STX1A: variants seen among roughly 807,000 people sequenced by gnomAD.
The protein encoded by STX1A is syntaxin 1A.
In STX1A, 4 loss-of-function variants were observed where a neutral mutation model predicts 37.8. The observed-to-expected ratio is 0.11, with a 90% confidence interval of 0.05 to 0.24. STX1A has a LOEUF of 0.24. Ranked by LOEUF, STX1A falls within the 10% of genes least tolerant of loss-of-function variation. STX1A has a pLI of 1.00. For missense variants in STX1A, 251 were observed against 399.9 expected, an observed-to-expected ratio of 0.63 and a Z score of 3.18; for synonymous variants, 135 against 147.4, an observed-to-expected ratio of 0.92 and a Z score of 0.61.
At position 73,717,118 on chromosome 7, in the gene STX1A, C is replaced by T. The variant is rs1799313788; in HGVS notation, c.30+2484G>A. On this transcript the variant is annotated intron_variant, in intron 1 of 9. Coordinates refer to ENST00000222812, the MANE Select transcript of STX1A (RefSeq NM_004603.4). This position sits in a 1 kb window ranked among gnomAD's most constrained non-coding sequence, Gnocchi z 4.1. ...AGTGAGGAAACGCGCCAGCTCCTTCCCCAAGTGTGACTTTTATAAATAAGC... is the reference window on the plus strand; with the variant it reads ...AGTGAGGAAACGCGCCAGCTCCTTCTCCAAGTGTGACTTTTATAAATAAGC... Among the ~76,000 whole-genome samples, 1 of 151,984 alleles carries T rather than the reference C, an allele frequency of 6.6e-6. No homozygotes were observed. The highest frequency in any genetic ancestry group is 2.4e-5 in the African/African-American group (1 of 41,346).
At position 73,700,728 on chromosome 7, in the gene STX1A, AC is replaced by A; in HGVS notation, c.789+1del. On this transcript the variant is annotated splice_donor_variant, in intron 9 of 9. Transcript: ENST00000222812. LOFTEE classifies it high-confidence loss of function. The surrounding 1 kb of genome is among the most constrained non-coding windows in gnomAD (Gnocchi z 4.4). ...GGCCTTGGGCAGGGCTGGGCTACTG[AC>A]CCGGCGCGCCTTGCTCTGGTACTTG... 6.2e-7 allele frequency: 1 copy of A among 1,613,166 alleles called. No homozygotes were observed. The highest frequency in any genetic ancestry group is 8.5e-7 in the Non-Finnish European group (1 of 1,179,806).
intron 1 of STX1A, among the ~76,000 whole-genome samples, chr7:73,715,436 A>C (rs558270197): frequency 2.0e-5 from 3 of 152,122 alleles, no homozygotes; most frequent in African/African-American, 7.2e-5. Context: ...ACAAAAAAAA[A>C]ACCAACAAAA....
chr7:73,703,335 A>G, intron 7 of STX1A: 1 of 560,046 alleles, frequency 1.8e-6, no homozygotes, highest in Admixed American at 2.3e-5. Flanking sequence ...CCCTTCCCCC[A>G]CATTGAATGT....
At chr7:73,708,805 C>T in intron 2 of STX1A, 117 bp from the exon 3 acceptor site, 2 of 1,164,380 alleles carry the variant, frequency 1.7e-6, no homozygotes, top group Non-Finnish European at 2.5e-6. Context: ...GGGCCAGGCT[C>T]CGGGTGCTGG....
At position 73,708,513 on chromosome 7, in the gene STX1A, C is replaced by T. The variant is rs896414213; in HGVS notation, c.208+76G>A. 28 of 1,430,982 alleles carry T rather than the reference C, an allele frequency of 2.0e-5. No individual in the cohort carries two copies. In the East Asian group the frequency reaches 2.0e-4, roughly 10 times the overall value. The allele number at this position is 1,430,982 out of a possible 1,614,324, so 88.6% of individuals were successfully genotyped here. A position where few individuals can be genotyped will look rare whatever the true frequency, so the allele number is the denominator to read the frequency against. Reference sequence around the variant, plus strand: ...CCAGCCATGAAGGCTGCAGAGGTCCCGTGAGGCCTCCCTGGCAGCAGCCCC... The same window carrying T: ...CCAGCCATGAAGGCTGCAGAGGTCCTGTGAGGCCTCCCTGGCAGCAGCCCC... On this transcript the variant is annotated intron_variant, in intron 3 of 9. Transcript: ENST00000222812.
In STX1A at chr7:73,708,638, C is replaced by G; in HGVS notation, c.159G>C (p.Glu53Asp). Residue 53 changes from glutamate (E) to aspartate (D), a missense_variant, in exon 3 of 10, where the codon GAG becomes GAC. Physicochemically the swap from Glu to Asp is conservative, Grantham distance 45. Coordinates refer to ENST00000222812, the MANE Select transcript of STX1A (RefSeq NM_004603.4). ...GGATGGCACTGTGCTTCCGCTTCAC[C>G]TCCTCCACGTTCTCTGCGATCTTGT... is the stretch of plus-strand genomic sequence containing the variant. ...FIDKIAENVE[E>D]VKRKHSAILA... The G allele has an allele frequency of 6.2e-7, 1 of 1,614,210 alleles. No individual in the cohort carries two copies. Among genetic ancestry groups the G allele is most frequent in the African/African-American group, 1.3e-5 (1 of 75,074 alleles).
intron 5 of STX1A, 46 bp from the exon 6 acceptor site, chr7:73,704,302 C>T: frequency 4.3e-6 from 7 of 1,613,594 alleles, no homozygotes; most frequent in Non-Finnish European, 5.9e-6. Context: ...CTGCGGGGAC[C>T]GACCCAGAGA....
rs1554615643 is a variant in STX1A, at chr7:73,700,372, GC to G, written c.*34del. 2 of 1,607,670 alleles carry G rather than the reference GC, an allele frequency of 1.2e-6. No individual in the cohort carries two copies. The highest frequency in any genetic ancestry group is 2.7e-5 in the African/African-American group (2 of 74,752). On this transcript the variant is annotated 3_prime_UTR_variant, in exon 10 of 10. Coordinates refer to ENST00000222812, the MANE Select transcript of STX1A (RefSeq NM_004603.4). This position sits in a 1 kb window ranked among gnomAD's most constrained non-coding sequence, Gnocchi z 4.4. ...CAGCAGCCAGGGCCTCCTTGGAGTG[GC>G]CCACCTGGAGTGGAGTGGCAGTTTG...
intron 1 of STX1A, among the ~76,000 whole-genome samples, chr7:73,718,663 C>A (rs1554619093): frequency 6.6e-6 from 1 of 151,848 alleles, no homozygotes; most frequent in East Asian, 1.9e-4. Context: ...CGTCGCTGTC[C>A]TCCACTCCCG....
Position 73,709,173 on chromosome 7 carries a change from T to C in STX1A, c.31-51A>G, listed in dbSNP as rs1177064109. 6 of 1,579,686 alleles carry C rather than the reference T, an allele frequency of 3.8e-6. No individual in the cohort carries two copies. In the African/African-American group the frequency reaches 6.7e-5, roughly 18 times the overall value. On this transcript the variant is annotated intron_variant, in intron 1 of 9. Transcript: ENST00000222812. The surrounding 1 kb of genome is among the most constrained non-coding windows in gnomAD (Gnocchi z 4.2). ...TGGACGTATGTACAGGACCCACCTG[T>C]ACACACGCAGGTGCCCAGGGTACAG... is the stretch of plus-strand genomic sequence containing the variant.
At chr7:73,712,210 G>A (rs541659599) in intron 1 of STX1A, among the ~76,000 whole-genome samples, 1 of 152,220 alleles carries the variant, frequency 6.6e-6, no homozygotes, top group African/African-American at 2.4e-5. Flanking sequence ...ACCTAGAGGG[G>A]ATGGGCGAAG....
Position 73,702,820 on chromosome 7 carries a change from G to C in STX1A, c.678+25C>G, listed in dbSNP as rs1490939022. ...CTGGGTGCTGGTGTGGGCTGGAGTG[G>C]AGGGCAGGGGGGCCCGGCACTCACC... On this transcript the variant is annotated intron_variant, in intron 8 of 9. Transcript: ENST00000222812. This position sits in a 1 kb window ranked among gnomAD's most constrained non-coding sequence, Gnocchi z 4.7. 3.1e-6 allele frequency: 5 copies of C among 1,613,712 alleles called. No homozygotes were observed. The African/African-American group carries it at 6.7e-5, about 22-fold the overall frequency.
At chr7:73,708,993 GC>G in intron 2 of STX1A, 51 bp downstream of exon 2, 4 of 1,594,634 alleles carry the variant, frequency 2.5e-6, no homozygotes, top group Non-Finnish European at 3.4e-6. Context: ...GGCGAGAGTG[GC>G]CCCCCAAGTT....
chr7:73,718,342 C>A (rs1157429662), intron 1 of STX1A, among the ~76,000 whole-genome samples: 1 of 152,120 alleles, frequency 6.6e-6, no homozygotes. Flanking sequence ...GCCCAGGTCC[C>A]GGCTCCAGGA....
intron 1 of STX1A, among the ~76,000 whole-genome samples, chr7:73,712,226 C>T (rs1799129097): frequency 6.6e-6 from 1 of 152,116 alleles, no homozygotes; most frequent in African/African-American, 2.4e-5. Context: ...CGAAGTGGGC[C>T]TTTCCTCCCC....
At chr7:73,715,855 G>A (rs1358857471) in intron 1 of STX1A, among the ~76,000 whole-genome samples, 8 of 152,222 alleles carry the variant, frequency 5.3e-5, no homozygotes, top group African/African-American at 1.9e-4. Context: ...GTGTGCGAGA[G>A]GCCAAGCTGG....
In STX1A at chr7:73,705,104, C is replaced by T; in HGVS notation, c.283+46G>A. ...AACCCCATGGGCTCCGCAGAGGAAG[C>T]AGGCCTAGAATGCCCCCCACCCACC... On this transcript the variant is annotated intron_variant, in intron 4 of 9. Coordinates refer to ENST00000222812, the MANE Select transcript of STX1A (RefSeq NM_004603.4). The surrounding 1 kb of genome is among the most constrained non-coding windows in gnomAD (Gnocchi z 5.2). 1 of 1,579,668 alleles carries T rather than the reference C, an allele frequency of 6.3e-7. No homozygotes were observed. The highest frequency in any genetic ancestry group is 1.1e-5 in the South Asian group (1 of 90,420).
chr7:73,709,216 T>C lies in STX1A; in HGVS notation c.31-94A>G. On this transcript the variant is annotated intron_variant, in intron 1 of 9. Coordinates refer to ENST00000222812, the MANE Select transcript of STX1A (RefSeq NM_004603.4). This position sits in a 1 kb window ranked among gnomAD's most constrained non-coding sequence, Gnocchi z 4.2. The stretch of plus-strand genomic sequence containing the variant: ...GGGTACAGCGCCAGGGCCCTGCCCC[T>C]CCCCCTCTCCCTGGGGGCCTCTGGG... 5.7e-6 allele frequency: 7 copies of C among 1,231,502 alleles called. No homozygotes were observed. Among genetic ancestry groups the C allele is most frequent in the Non-Finnish European group, 8.2e-6 (7 of 858,426 alleles). The allele number at this position is 1,231,502 out of a possible 1,614,324, so 76.3% of individuals were successfully genotyped here.
In STX1A at chr7:73,702,418, T is replaced by C. The variant is rs896296210; in HGVS notation, c.678+427A>G. 6.3e-6 allele frequency: 2 copies of C among 315,860 alleles called. No homozygotes were observed. The highest frequency in any genetic ancestry group is 1.2e-5 in the Non-Finnish European group (2 of 173,444). 19.6% of individuals were successfully genotyped at this position (315,860 alleles called of 1,614,324 possible). A position where few individuals can be genotyped will look rare whatever the true frequency, so the allele number is the denominator to read the frequency against. ...ACTTACAAGTCCTCCAGGTGACTCA[T>C]TCAAGTTTGAGCCCCACTGGAGAAC... On this transcript the variant is annotated intron_variant, in intron 8 of 9. Coordinates refer to ENST00000222812, the MANE Select transcript of STX1A (RefSeq NM_004603.4). The surrounding 1 kb of genome is among the most constrained non-coding windows in gnomAD (Gnocchi z 4.7).
Sources: allele counts gnomAD v4.1 joint callset (sites outside exome capture counted in the v4.1 genomes callset), GRCh38; gene constraint gnomAD v4.1.1; non-coding constraint Gnocchi (gnomAD v3.1); transcripts MANE v1.5; gene names NCBI Gene and HGNC (gene_info 2026-07-23, HGNC 2026-07-21).